MAP4K5: variants seen among roughly 807,000 people sequenced by gnomAD.
MAP4K5 encodes mitogen-activated protein kinase kinase kinase kinase 5.
In MAP4K5, 82 loss-of-function variants were observed where a neutral mutation model predicts 135.6. The ratio of observed to expected loss-of-function variants is 0.60; its 90% CI spans 0.51 to 0.73. The LOEUF is 0.73. Ranked by LOEUF, MAP4K5 falls within the 30% of genes least tolerant of loss-of-function variation. The pLI is 0.00. For synonymous variants in MAP4K5, 347 were observed against 335.0 expected (o/e 1.04, Z -0.39); for missense variants, 907 against 1,010.9 (o/e 0.90, Z 1.39).
intron 5 of MAP4K5, 83 bp from the exon 6 acceptor site, chr14:50,482,499 C>A: frequency 3.1e-6 from 3 of 970,936 alleles, no homozygotes; most frequent in South Asian, 3.2e-5. Flanking sequence ...GCAAACTAGG[C>A]CAAGCGCAGT....
chr14:50,442,614 T>C (rs1183328406), intron 21 of MAP4K5, 118 bp downstream of exon 21: 2 of 715,956 alleles, frequency 2.8e-6, no homozygotes, highest in Non-Finnish European at 4.7e-6. Flanking sequence ...CAGGTTCCTA[T>C]ACCATTAGGT....
At chr14:50,500,409 C>T (rs1261165735) in intron 3 of MAP4K5, among the ~76,000 whole-genome samples, 1 of 151,982 alleles carries the variant, frequency 6.6e-6, no homozygotes, top group Non-Finnish European at 1.5e-5. Context: ...TTACCTCAGG[C>T]AAAAGGGAAG....
In MAP4K5 at chr14:50,420,002, A is replaced by C; in HGVS notation, c.*17T>G. ...AGTATATTCATTTTCCTGTCATTTGAGATCAGTTTCTGTTGCTTAGTAACT... is the reference window on the plus strand; with the variant it reads ...AGTATATTCATTTTCCTGTCATTTGCGATCAGTTTCTGTTGCTTAGTAACT... On this transcript the variant is annotated 3_prime_UTR_variant, in exon 33 of 33. Coordinates refer to ENST00000682126, the MANE Select transcript of MAP4K5 (RefSeq NM_006575.6). The C allele has an allele frequency of 6.5e-7, 1 of 1,544,742 alleles. No individual in the cohort carries two copies. The highest frequency in any genetic ancestry group is 8.9e-7 in the Non-Finnish European group (1 of 1,123,708).
At chr14:50,543,417 C>T (rs1041847929) in intron 1 of MAP4K5, among the ~76,000 whole-genome samples, 1 of 152,190 alleles carries the variant, frequency 6.6e-6, no homozygotes, top group Admixed American at 6.5e-5. Flanking sequence ...AGAGGTTTAC[C>T]TTCCCTGCTT....
chr14:50,422,327 G>T (rs921336152), intron 32 of MAP4K5, among the ~76,000 whole-genome samples: 1 of 152,044 alleles, frequency 6.6e-6, no homozygotes, highest in Admixed American at 6.6e-5. Flanking sequence ...GAAAATTCCT[G>T]TTCTCCTATA....
chr14:50,482,936 T>G (rs967375899), intron 5 of MAP4K5: 1 of 152,914 alleles, frequency 6.5e-6, no homozygotes, highest in African/African-American at 2.4e-5. Flanking sequence ...TTTTTTCAAA[T>G]GTACTTTAAA....
chr14:50,419,236 G>C lies in MAP4K5; in HGVS notation c.*783C>G, dbSNP rs2035670101. The C allele has an allele frequency of 6.6e-6, 1 of 152,068 alleles. No homozygotes were observed. The highest frequency in any genetic ancestry group is 2.4e-5 in the African/African-American group (1 of 41,406). 9.4% of individuals were successfully genotyped at this position (152,068 alleles called of 1,614,324 possible). On this transcript the variant is annotated 3_prime_UTR_variant, in exon 33 of 33. Coordinates refer to ENST00000682126, the MANE Select transcript of MAP4K5 (RefSeq NM_006575.6). Reference sequence around the variant, plus strand: ...AGAATACATACACATGGTAGACACAGCTAGACATACACACCCCTTCTAAGA... The same window carrying C: ...AGAATACATACACATGGTAGACACACCTAGACATACACACCCCTTCTAAGA...
At chr14:50,523,242 T>G (rs1595546164) in intron 2 of MAP4K5, among the ~76,000 whole-genome samples, 1 of 151,534 alleles carries the variant, frequency 6.6e-6, no homozygotes, top group Admixed American at 6.6e-5. Context: ...ACCTGGGAGG[T>G]GGAGGTTGCG....
intron 14 of MAP4K5, among the ~76,000 whole-genome samples, chr14:50,452,612 C>T (rs1022331289): frequency 2.0e-5 from 3 of 152,182 alleles, no homozygotes; most frequent in African/African-American, 7.2e-5. Context: ...AATTCAGAGA[C>T]TGTCTTCTGG....
intron 2 of MAP4K5, among the ~76,000 whole-genome samples, chr14:50,530,332 A>G (rs2038360123): frequency 1.3e-5 from 2 of 152,174 alleles, no homozygotes. Flanking sequence ...CCTGCTCCAG[A>G]GTTGCTTTAG....
intron 1 of MAP4K5, among the ~76,000 whole-genome samples, chr14:50,558,229 A>C (rs2140170016): frequency 6.6e-6 from 1 of 152,270 alleles, no homozygotes; most frequent in African/African-American, 2.4e-5. Flanking sequence ...CGTGCTGGCG[A>C]CCGCCAGTAA....
chr14:50,511,438 T>C (rs986164678), intron 2 of MAP4K5, among the ~76,000 whole-genome samples: 1 of 152,148 alleles, frequency 6.6e-6, no homozygotes, highest in East Asian at 1.9e-4. Flanking sequence ...GGGAGAAATT[T>C]GTTAAAGTAT....
chr14:50,509,644 T>C (rs1566686258), intron 2 of MAP4K5, among the ~76,000 whole-genome samples: 1 of 151,536 alleles, frequency 6.6e-6, no homozygotes, highest in Admixed American at 6.6e-5. Context: ...CCTTCTAATA[T>C]GTTTAAAATC....
chr14:50,538,839 T>C (rs1383551933), intron 2 of MAP4K5, among the ~76,000 whole-genome samples: 1 of 152,208 alleles, frequency 6.6e-6, no homozygotes, highest in Non-Finnish European at 1.5e-5. Flanking sequence ...GATGGGTTCT[T>C]GCTCTGTTGC....
chr14:50,419,885 T>G lies in MAP4K5; in HGVS notation c.*134A>C. 1.5e-6 allele frequency: 1 copy of G among 668,590 alleles called. No homozygotes were observed. The highest frequency in any genetic ancestry group is 2.9e-4 in the Middle Eastern group (1 of 3,396). The allele number at this position is 668,590 out of a possible 1,614,324, so 41.4% of individuals were successfully genotyped here. Reference sequence around the variant, plus strand: ...CTGCAGAAAATATTGAATTCTACCCTAAAGTACAGATCATTTGCAATATAA... The same window carrying G: ...CTGCAGAAAATATTGAATTCTACCCGAAAGTACAGATCATTTGCAATATAA... On this transcript the variant is annotated 3_prime_UTR_variant, in exon 33 of 33. Coordinates refer to ENST00000682126, the MANE Select transcript of MAP4K5 (RefSeq NM_006575.6).
intron 2 of MAP4K5, among the ~76,000 whole-genome samples, chr14:50,517,442 G>A (rs373927227): frequency 2.1e-4 from 31 of 150,214 alleles, no homozygotes; most frequent in South Asian, 6.8e-4. Flanking sequence ...ATGAGCCACC[G>A]CGCCCAGCCT....
intron 28 of MAP4K5, among the ~76,000 whole-genome samples, chr14:50,432,394 T>A (rs1384480348): frequency 6.6e-6 from 1 of 152,128 alleles, no homozygotes; most frequent in African/African-American, 2.4e-5. Flanking sequence ...GGCAGTAATT[T>A]GGGTCTTTAC....
intron 6 of MAP4K5, among the ~76,000 whole-genome samples, chr14:50,477,861 A>T (rs1267961925): frequency 1.3e-5 from 2 of 152,062 alleles, no homozygotes; most frequent in Non-Finnish European, 2.9e-5. Flanking sequence ...CCTTTGCTAA[A>T]CCTTTTATTT....
At chr14:50,538,662 A>C (rs1019484429) in intron 2 of MAP4K5, among the ~76,000 whole-genome samples, 3 of 152,208 alleles carry the variant, frequency 2.0e-5, no homozygotes, top group Admixed American at 2.0e-4. Context: ...CTGGGATCCT[A>C]TCTTACAGCT....
Sources: gnomAD v4.1 joint callset for allele counts (sites outside exome capture counted in the v4.1 genomes callset) on GRCh38, gnomAD v4.1.1 for gene constraint, MANE v1.5 for transcripts, NCBI Gene and HGNC (gene_info 2026-07-23, HGNC 2026-07-21) for gene names.